Variants in SV2C observed in about 807,000 individuals in gnomAD.
The protein encoded by SV2C is solute carrier family 22 member B3.
SV2C carries 49 observed loss-of-function variants against 79.7 expected under a neutral mutation model. The observed-to-expected ratio is 0.61, with a 90% CI of 0.49 to 0.78. The LOEUF (loss-of-function observed/expected upper bound fraction) is 0.78, where lower values mean the gene tolerates loss of function less well. SV2C is among the 30% of genes least tolerant of loss of function. The probability of loss-of-function intolerance (pLI) is 0.00; values close to 1 mark genes in which losing one functional copy is unlikely to be tolerated. For missense variants in SV2C, 833 were observed against 912.9 expected, an observed-to-expected ratio of 0.91 and a Z score of 1.13; for synonymous variants, 334 against 333.2, an observed-to-expected ratio of 1.00 and a Z score of -0.03.
intron 2 of SV2C, among the ~76,000 whole-genome samples, chr5:76,185,870 G>T (rs1051675246): frequency 1.3e-5 from 2 of 152,314 alleles, no homozygotes; most frequent in South Asian, 2.1e-4. Context: ...CACCAGGCTT[G>T]AATTTCTCCC....
chr5:75,892,204 G>A, the SV2C span, among the ~76,000 whole-genome samples: 1 of 151,666 alleles, frequency 6.6e-6, no homozygotes, highest in African/African-American at 2.4e-5. Context: ...CCCTGGTTTG[G>A]GTCTTGCTGT....
In SV2C at chr5:76,325,614, A is replaced by G. The variant is rs1748972574; in HGVS notation, c.*67A>G. The G allele has an allele frequency of 1.3e-5, 21 of 1,578,896 alleles. No individual in the cohort carries two copies. The highest frequency in any genetic ancestry group is 1.7e-5 in the Non-Finnish European group (20 of 1,165,264). On this transcript the variant is annotated 3_prime_UTR_variant, in exon 13 of 13. Transcript: ENST00000502798. Reference sequence around the variant, plus strand: ...CTGGGTCAATTCTCCTTCCTGACTCAAGGCTTCAGAGTTTTCCTATATAGA... The same window carrying G: ...CTGGGTCAATTCTCCTTCCTGACTCGAGGCTTCAGAGTTTTCCTATATAGA...
At chr5:76,126,132 G>C (rs59043829) in intron 1 of SV2C, among the ~76,000 whole-genome samples, 7,810 of 152,224 alleles carry the variant, frequency 0.051, 590 homozygotes, top group African/African-American at 0.17. Context: ...AAGTTACACT[G>C]TAATAGGGAA....
the SV2C span, among the ~76,000 whole-genome samples, chr5:75,954,456 T>A: frequency 6.6e-6 from 1 of 152,018 alleles, no homozygotes; most frequent in Non-Finnish European, 1.5e-5. Context: ...GGGCAAAAAC[T>A]GGAAGCATTC....
rs1303313460 is a variant in SV2C, at chr5:76,131,870, A to G, written c.120A>G (p.Glu40=). 6.2e-7 allele frequency: 1 copy of G among 1,614,122 alleles called. No individual in the cohort carries two copies. The highest frequency in any genetic ancestry group is 2.2e-5 in the East Asian group (1 of 44,860). Reference sequence around the variant, plus strand: ...AAGCTGTGGACCGAGCCCAGGATGAATACACCCAGAGGTCCTACAGTCGGT... The same window carrying G: ...AAGCTGTGGACCGAGCCCAGGATGAGTACACCCAGAGGTCCTACAGTCGGT... ...VNQAVDRAQD[E]YTQRSYSRFQ... is the part of the protein sequence containing the mutation. Residue 40 remains glutamate, a synonymous_variant, in exon 2 of 13, where the codon GAA becomes GAG. Coordinates refer to ENST00000502798, the MANE Select transcript of SV2C (RefSeq NM_014979.4).
intron 8 of SV2C, among the ~76,000 whole-genome samples, chr5:76,294,350 G>A (rs908829357): frequency 7.4e-6 from 1 of 135,458 alleles, no homozygotes; most frequent in Non-Finnish European, 1.5e-5. Context: ...TTGCCAGGCT[G>A]GAGTGCATTG....
chr5:76,175,741 A>G (rs1743506099), intron 2 of SV2C, among the ~76,000 whole-genome samples: 2 of 152,260 alleles, frequency 1.3e-5, no homozygotes, highest in Non-Finnish European at 2.9e-5. Context: ...AGCTGAAATT[A>G]GAACTTTCTA....
intron 4 of SV2C, among the ~76,000 whole-genome samples, chr5:76,269,697 C>A (rs762588956): frequency 3.9e-5 from 6 of 152,170 alleles, no homozygotes; most frequent in African/African-American, 4.8e-5. Flanking sequence ...GCATTCTGGT[C>A]AAAGCTGGTT....
chr5:75,994,772 A>G, the SV2C span, among the ~76,000 whole-genome samples: 1 of 152,168 alleles, frequency 6.6e-6, no homozygotes, highest in Non-Finnish European at 1.5e-5. Context: ...AAACTGGCTC[A>G]CCAGATTATG....
chr5:75,977,626 C>T, the SV2C span, among the ~76,000 whole-genome samples: 1 of 152,184 alleles, frequency 6.6e-6, no homozygotes, highest in Non-Finnish European at 1.5e-5. Context: ...GCCTTCTCCT[C>T]ACCCATAGCG....
chr5:75,925,642 A>G, the SV2C span, among the ~76,000 whole-genome samples: 1 of 152,190 alleles, frequency 6.6e-6, no homozygotes, highest in Non-Finnish European at 1.5e-5. Flanking sequence ...GATTAGCACC[A>G]GGCTAATCGC....
rs73764327 is a variant in SV2C at position 76,332,044 on chromosome 5, G to A, written c.*6497G>A. The A allele has an allele frequency of 0.08, 12,198 of 152,248 alleles. 910 individuals are homozygous for A. The highest frequency in any genetic ancestry group is 0.19 in the African/African-American group (8,044 of 41,478). 9.4% of individuals were successfully genotyped at this position (152,248 alleles called of 1,614,324 possible). On this transcript the variant is annotated 3_prime_UTR_variant, in exon 13 of 13. Coordinates refer to ENST00000502798, the MANE Select transcript of SV2C (RefSeq NM_014979.4). ...GGTTCTTGAGATTCATTGGCTAGTGGAGGTAGATGGTACTCTCCATGTCTG... is the reference window on the plus strand; with the variant it reads ...GGTTCTTGAGATTCATTGGCTAGTGAAGGTAGATGGTACTCTCCATGTCTG...
chr5:76,137,552 A>C (rs148097215), intron 2 of SV2C, among the ~76,000 whole-genome samples: 1 of 152,236 alleles, frequency 6.6e-6, no homozygotes, highest in Non-Finnish European at 1.5e-5. Context: ...TTAACCAGAG[A>C]ACACAGCTAA....
intron 1 of SV2C, among the ~76,000 whole-genome samples, chr5:76,107,651 G>A (rs1306780298): frequency 1.3e-5 from 2 of 152,096 alleles, no homozygotes; most frequent in Non-Finnish European, 2.9e-5. Context: ...ATCACTTGAG[G>A]TCAGGAGTTC....
chr5:75,956,144 C>A, the SV2C span, among the ~76,000 whole-genome samples: 1 of 143,334 alleles, frequency 7.0e-6, no homozygotes, highest in East Asian at 2.0e-4. Context: ...TTGGAACCAA[C>A]CCAAATGTCC....
chr5:76,265,034 T>G (rs980401487), intron 4 of SV2C, among the ~76,000 whole-genome samples: 1 of 152,202 alleles, frequency 6.6e-6, no homozygotes, highest in African/African-American at 2.4e-5. Context: ...CATTTATGTC[T>G]GCTGAACCTG....
chr5:76,274,707 A>G (rs889722825), intron 4 of SV2C, among the ~76,000 whole-genome samples: 3 of 146,558 alleles, frequency 2.0e-5, no homozygotes, highest in African/African-American at 5.1e-5. Flanking sequence ...TCTTTTTACA[A>G]ATTGAGAAGG....
At chr5:76,287,785 C>A (rs1389477220) in intron 6 of SV2C, among the ~76,000 whole-genome samples, 3 of 152,166 alleles carry the variant, frequency 2.0e-5, no homozygotes, top group Non-Finnish European at 2.9e-5. Flanking sequence ...TATACGCAGT[C>A]ATATAATTAG....
intron 4 of SV2C, among the ~76,000 whole-genome samples, chr5:76,238,017 C>A (rs1288944998): frequency 7.2e-6 from 1 of 138,382 alleles, no homozygotes; most frequent in Non-Finnish European, 1.6e-5. Context: ...CATATACACA[C>A]AATCACACAT....
Sources: gnomAD v4.1 joint callset for allele counts (sites outside exome capture counted in the v4.1 genomes callset) on GRCh38, gnomAD v4.1.1 for gene constraint, MANE v1.5 for transcripts, NCBI Gene and HGNC (gene_info 2026-07-23, HGNC 2026-07-21) for gene names.